Variants in PARM1 observed in about 807,000 individuals in gnomAD.
PARM1 encodes prostate androgen-regulated mucin-like protein 1.
A neutral mutation model predicts 24.6 loss-of-function variants in PARM1; 14 were observed. The ratio of observed to expected loss-of-function variants is 0.57; its 90% CI spans 0.38 to 0.89. PARM1 has a LOEUF of 0.89. Ranked by LOEUF, PARM1 falls within the 40% of genes least tolerant of loss-of-function variation. The probability of loss-of-function intolerance (pLI) is 0.00; values close to 1 mark genes in which losing one functional copy is unlikely to be tolerated. For missense variants in PARM1, 362 were observed against 380.4 expected, an observed-to-expected ratio of 0.95 and a Z score of 0.40; for synonymous variants, 179 against 156.6, an observed-to-expected ratio of 1.14 and a Z score of -1.07.
chr4:75,013,833 A>G (rs1300799484), intron 2 of PARM1, among the ~76,000 whole-genome samples: 1 of 152,164 alleles, frequency 6.6e-6, no homozygotes, highest in Non-Finnish European at 1.5e-5. Flanking sequence ...TATTATTTTT[A>G]TCTTTGTTTT....
rs1490269673 is a variant in PARM1 at position 74,933,237 on chromosome 4, C to G, written c.-91C>G. On this transcript the variant is annotated 5_prime_UTR_variant, in exon 1 of 4. Coordinates refer to ENST00000307428, the MANE Select transcript of PARM1 (RefSeq NM_015393.4). Reference sequence around the variant, plus strand: ...CCGGCTCCCACCGCAGCCCACCCGGCAGAGGAGTCGCTACCAGCGCCCAGT... The same window carrying G: ...CCGGCTCCCACCGCAGCCCACCCGGGAGAGGAGTCGCTACCAGCGCCCAGT... The G allele has an allele frequency of 3.5e-6, 4 of 1,156,468 alleles. No individual in the cohort carries two copies. The highest frequency in any genetic ancestry group is 1.9e-4 in the Middle Eastern group (1 of 5,130). 71.6% of individuals were successfully genotyped at this position (1,156,468 alleles called of 1,614,324 possible). A position where few individuals can be genotyped will look rare whatever the true frequency, so the allele number is the denominator to read the frequency against.
intron 2 of PARM1, among the ~76,000 whole-genome samples, chr4:75,028,287 C>T (rs1001471073): frequency 1.3e-5 from 2 of 152,198 alleles, no homozygotes; most frequent in African/African-American, 2.4e-5. Flanking sequence ...AATAGAGATT[C>T]GGCACACACA....
intron 2 of PARM1, among the ~76,000 whole-genome samples, chr4:75,026,379 T>C (rs1212007645): frequency 6.6e-6 from 1 of 152,232 alleles, no homozygotes; most frequent in Non-Finnish European, 1.5e-5. Flanking sequence ...ATGTCTTATA[T>C]GTATAATATG....
chr4:75,023,099 A>G (rs1477422154), intron 2 of PARM1, among the ~76,000 whole-genome samples: 2 of 152,240 alleles, frequency 1.3e-5, no homozygotes, highest in East Asian at 1.9e-4. Context: ...AAATCTCAGT[A>G]GGTCCATGGA....
chr4:75,040,760 A>G (rs377634217), intron 3 of PARM1, among the ~76,000 whole-genome samples: 2 of 152,198 alleles, frequency 1.3e-5, no homozygotes, highest in East Asian at 1.9e-4. Context: ...AATCATTCCA[A>G]CATACAAAGT....
intron 2 of PARM1, 79 bp downstream of exon 2, chr4:75,013,229 G>A: frequency 7.0e-7 from 1 of 1,434,160 alleles, no homozygotes; most frequent in Non-Finnish European, 9.3e-7. Flanking sequence ...CAAACACAAT[G>A]GAAAATTTGA....
In PARM1 at chr4:75,048,630, GAACCATCGC is replaced by G. The variant is rs999232100; in HGVS notation, c.*2384_*2392del. On this transcript the variant is annotated 3_prime_UTR_variant, in exon 4 of 4. Coordinates refer to ENST00000307428, the MANE Select transcript of PARM1 (RefSeq NM_015393.4). ...GGGCAAGGGATCAGCCTCTTCCCAG[GAACCATCGC>G]CTTCTATAAACCGTGAACTCAAGCA... The G allele has an allele frequency of 1.3e-5, 2 of 152,374 alleles. No homozygotes were observed. The highest frequency in any genetic ancestry group is 4.8e-5 in the African/African-American group (2 of 41,402). 9.4% of individuals were successfully genotyped at this position (152,374 alleles called of 1,614,324 possible).
intron 1 of PARM1, among the ~76,000 whole-genome samples, chr4:74,944,715 GAGAATA>G (rs1365411817): frequency 6.6e-6 from 1 of 152,152 alleles, no homozygotes; most frequent in Non-Finnish European, 1.5e-5. Context: ...TTCCATCACT[GAGAATA>G]GAGTTTCAGA....
At chr4:75,032,159 A>T (rs1246154550) in intron 2 of PARM1, among the ~76,000 whole-genome samples, 1 of 152,332 alleles carries the variant, frequency 6.6e-6, no homozygotes, top group East Asian at 1.9e-4. Context: ...GGAGCAAAGA[A>T]ATGGATCTGT....
chr4:75,031,293 C>T (rs1723270186), intron 2 of PARM1, among the ~76,000 whole-genome samples: 2 of 152,120 alleles, frequency 1.3e-5, no homozygotes, highest in African/African-American at 4.8e-5. Context: ...TATCTTATAC[C>T]ATTTGGCCTT....
chr4:74,972,790 T>A (rs1722063717), intron 1 of PARM1, among the ~76,000 whole-genome samples: 1 of 152,224 alleles, frequency 6.6e-6, no homozygotes, highest in South Asian at 2.1e-4. Context: ...ATTTTAAATG[T>A]TAAGTCCTTT....
chr4:74,979,208 T>G (rs924506320), intron 1 of PARM1, among the ~76,000 whole-genome samples: 2 of 151,176 alleles, frequency 1.3e-5, no homozygotes, highest in Non-Finnish European at 3.0e-5. Context: ...AAAAAAATAT[T>G]AAAATAGACC....
In PARM1 at chr4:75,033,849, G is replaced by GT. The variant is rs200352619; in HGVS notation, c.770-33dup. ...GTCACATGATGCCCCGTATCCTCAT[G>GT]TATCTTCTTTTCTGTGCCCTTCCTC... On this transcript the variant is annotated intron_variant, in intron 2 of 3. Coordinates refer to ENST00000307428, the MANE Select transcript of PARM1 (RefSeq NM_015393.4). 2.9e-4 allele frequency: 450 copies of GT among 1,557,686 alleles called. 1 individual carries two copies. In the East Asian group the frequency reaches 1.0e-2, roughly 35 times the overall value.
intron 1 of PARM1, among the ~76,000 whole-genome samples, chr4:74,966,009 A>G (rs1177659469): frequency 6.6e-6 from 1 of 152,236 alleles, no homozygotes; most frequent in Non-Finnish European, 1.5e-5. Context: ...TTTGATGAGT[A>G]AGATGTTAAC....
chr4:75,010,947 A>G (rs1386626686), intron 1 of PARM1, among the ~76,000 whole-genome samples: 2 of 152,172 alleles, frequency 1.3e-5, no homozygotes, highest in African/African-American at 2.4e-5. Context: ...ACCAGCATCT[A>G]CTCAGCTTCT....
chr4:75,033,995 T>G, intron 3 of PARM1, 34 bp downstream of exon 3: 1 of 1,527,680 alleles, frequency 6.5e-7, no homozygotes. Flanking sequence ...AAAAAGGGAT[T>G]CTGTTTTGTT....
intron 1 of PARM1, among the ~76,000 whole-genome samples, chr4:74,938,688 A>T (rs554163961): frequency 6.6e-6 from 1 of 152,318 alleles, no homozygotes; most frequent in South Asian, 2.1e-4. Flanking sequence ...AGCTTAAATT[A>T]TTTAAATGAT....
intron 2 of PARM1, among the ~76,000 whole-genome samples, chr4:75,014,636 A>G (rs1722945944): frequency 6.6e-6 from 1 of 152,146 alleles, no homozygotes; most frequent in Non-Finnish European, 1.5e-5. Context: ...TCTGATATGC[A>G]GCAAGAAGCC....
chr4:74,959,597 G>A (rs965732362), intron 1 of PARM1, among the ~76,000 whole-genome samples: 3 of 152,144 alleles, frequency 2.0e-5, no homozygotes, highest in African/African-American at 4.8e-5. Context: ...TCATGGGAAC[G>A]TTTTGTATCA....
Sources: allele counts gnomAD v4.1 joint callset (sites outside exome capture counted in the v4.1 genomes callset), GRCh38; gene constraint gnomAD v4.1.1; transcripts MANE v1.5; gene names NCBI Gene and HGNC (gene_info 2026-07-23, HGNC 2026-07-21).